The following SAMMSON variants were observed in gnomAD, a reference collection of about 807,000 sequenced individuals.
SAMMSON encodes long intergenic non-protein coding RNA 1212.
At chr3:70,166,884 T>C (rs185655743) in intron 4 of SAMMSON, among the ~76,000 whole-genome samples, 97 of 152,072 alleles carry the variant, frequency 6.4e-4, no homozygotes, top group African/African-American at 2.2e-3. Context: ...TGGAGATAGG[T>C]GGGGCTAGAC....
chr3:70,191,480 T>A (rs1209457071), intron 4 of SAMMSON, among the ~76,000 whole-genome samples: 2 of 152,208 alleles, frequency 1.3e-5, no homozygotes, highest in African/African-American at 4.8e-5. Flanking sequence ...AATGGAACAC[T>A]AAAAGGTAAG....
intron 3 of SAMMSON, among the ~76,000 whole-genome samples, chr3:70,037,307 G>C (rs138361587): frequency 4.6e-5 from 7 of 152,222 alleles, no homozygotes; most frequent in East Asian, 1.9e-4. Context: ...TATGATCGAA[G>C]AAGGGTCAAG....
At chr3:70,396,252 T>C (rs149276688) in intron 2 of SAMMSON, among the ~76,000 whole-genome samples, 4 of 152,304 alleles carry the variant, frequency 2.6e-5, no homozygotes, top group African/African-American at 9.6e-5. Flanking sequence ...AAATATGAAA[T>C]ATTACAATAT....
chr3:70,281,404 C>A (rs1028201458), intron 6 of SAMMSON, among the ~76,000 whole-genome samples: 1 of 152,184 alleles, frequency 6.6e-6, no homozygotes. Context: ...AGAATTAAAC[C>A]CCGTTTTCTA....
intron 4 of SAMMSON, among the ~76,000 whole-genome samples, chr3:70,231,242 AG>A (rs1252587054): frequency 2.0e-5 from 3 of 152,176 alleles, no homozygotes; most frequent in Admixed American, 1.3e-4. Flanking sequence ...TGCTCAAGGA[AG>A]GGAATAGTTC....
At chr3:70,280,677 T>C (rs1396442401) in intron 6 of SAMMSON, among the ~76,000 whole-genome samples, 2 of 152,132 alleles carry the variant, frequency 1.3e-5, no homozygotes, top group Non-Finnish European at 2.9e-5. Flanking sequence ...GAAACTAGAA[T>C]ACCTCTTCCC....
At chr3:70,236,937 A>C (rs1014023529) in intron 4 of SAMMSON, among the ~76,000 whole-genome samples, 1 of 152,180 alleles carries the variant, frequency 6.6e-6, no homozygotes, top group Non-Finnish European at 1.5e-5. Context: ...TTTATTAAGC[A>C]AGTCACATGT....
chr3:70,282,625 A>C (rs968913401), intron 6 of SAMMSON, among the ~76,000 whole-genome samples: 3 of 152,110 alleles, frequency 2.0e-5, no homozygotes, highest in Non-Finnish European at 4.4e-5. Flanking sequence ...TTCTTTCTAG[A>C]TCTAAACATG....
chr3:70,065,561 C>T (rs2067206528), intron 3 of SAMMSON, among the ~76,000 whole-genome samples: 1 of 152,020 alleles, frequency 6.6e-6, no homozygotes, highest in African/African-American at 2.4e-5. Flanking sequence ...TGAAGCCATT[C>T]CAATGTGTGC....
chr3:70,405,396 T>C (rs1343583670), intron 2 of SAMMSON, among the ~76,000 whole-genome samples: 1 of 152,190 alleles, frequency 6.6e-6, no homozygotes, highest in Non-Finnish European at 1.5e-5. Context: ...ACCCATAGTA[T>C]AGTAGAAGAA....
chr3:70,222,331 A>AACTACTC (rs1423179223), intron 4 of SAMMSON, among the ~76,000 whole-genome samples: 58 of 152,206 alleles, frequency 3.8e-4, no homozygotes, highest in African/African-American at 1.4e-3. Context: ...ATGAAGATAA[A>AACTACTC]ACTACTCATT....
intron 7 of SAMMSON, among the ~76,000 whole-genome samples, chr3:70,321,595 A>G (rs570646003): frequency 6.6e-6 from 1 of 152,222 alleles, no homozygotes; most frequent in African/African-American, 2.4e-5. Context: ...GTATTTTCAA[A>G]TTAAAAATTT....
intron 2 of SAMMSON, among the ~76,000 whole-genome samples, chr3:70,405,708 C>T (rs918482002): frequency 6.6e-6 from 1 of 152,170 alleles, no homozygotes; most frequent in African/African-American, 2.4e-5. Flanking sequence ...TGTGGGACAA[C>T]AGCAGGCAGT....
intron 2 of SAMMSON, among the ~76,000 whole-genome samples, chr3:70,430,179 G>T (rs140306283): frequency 2.6e-5 from 4 of 152,042 alleles, no homozygotes; most frequent in Admixed American, 1.3e-4. Context: ...AGCATGAAGC[G>T]GTGTTGAATT....
At chr3:70,229,473 T>G (rs1388227897) in intron 4 of SAMMSON, among the ~76,000 whole-genome samples, 1 of 152,212 alleles carries the variant, frequency 6.6e-6, no homozygotes, top group African/African-American at 2.4e-5. Context: ...ACTTGCTTCC[T>G]TTTTCTGGGC....
intron 2 of SAMMSON, among the ~76,000 whole-genome samples, chr3:70,432,890 A>G (rs552405724): frequency 6.6e-6 from 1 of 152,120 alleles, no homozygotes; most frequent in South Asian, 2.1e-4. Context: ...CTTTTTCAGT[A>G]TGTCATAAAG....
At chr3:70,420,543 C>A (rs76385028) in intron 2 of SAMMSON, among the ~76,000 whole-genome samples, 1,628 of 152,282 alleles carry the variant, frequency 0.011, 23 homozygotes, top group African/African-American at 0.037. Flanking sequence ...AATTTACATG[C>A]AATCTTAATG....
intron 9 of SAMMSON, among the ~76,000 whole-genome samples, chr3:70,364,006 T>C (rs1214792004): frequency 7.2e-5 from 11 of 151,962 alleles, no homozygotes; most frequent in Non-Finnish European, 1.5e-5. Flanking sequence ...TTTTTAATTT[T>C]CTTGAGATCT....
intron 6 of SAMMSON, among the ~76,000 whole-genome samples, chr3:70,263,874 TTCTC>T (rs1212273415): frequency 6.6e-6 from 1 of 152,128 alleles, no homozygotes; most frequent in African/African-American, 2.4e-5. Context: ...TTTGTTTCCT[TTCTC>T]TCGGGGTTCA....
Sources: gnomAD v4.1 joint callset for allele counts (sites outside exome capture counted in the v4.1 genomes callset) on GRCh38, gnomAD v4.1.1 for gene constraint, MANE v1.5 for transcripts, NCBI Gene and HGNC (gene_info 2026-07-23, HGNC 2026-07-21) for gene names.